Variants in PATJ observed in about 807,000 individuals in gnomAD.
The protein encoded by PATJ is inaD-like protein.
Under a neutral mutation model 224.9 loss-of-function variants are expected in PATJ, and 190 were observed. The observed-to-expected ratio is 0.84, with a 90% CI of 0.75 to 0.95. The LOEUF is 0.95. Among genes scored for constraint, PATJ ranks in the 40% least tolerant of loss-of-function variants. The pLI is 0.00. For synonymous variants in PATJ, 769 were observed against 820.3 expected (o/e 0.94, Z 1.07); for missense variants, 2,121 against 2,270.3 (o/e 0.93, Z 1.34).
At chr1:62,002,733 A>AAGAGAGAGAG (rs1553238285) in intron 28 of PATJ, among the ~76,000 whole-genome samples, 15 of 130,706 alleles carry the variant, frequency 1.1e-4, no homozygotes, top group African/African-American at 4.4e-4. Context: ...AAAAAAAAAA[A>AAGAGAGAGAG]AGAGAGAGAG....
At chr1:61,871,515 A>ATATG (rs1191858353) in intron 20 of PATJ, among the ~76,000 whole-genome samples, 3 of 132,520 alleles carry the variant, frequency 2.3e-5, no homozygotes, top group Non-Finnish European at 4.9e-5. Flanking sequence ...ATATACGCAT[A>ATATG]TATATAAATA....
At chr1:62,095,185 G>A (rs747683099) in intron 33 of PATJ, among the ~76,000 whole-genome samples, 1 of 152,216 alleles carries the variant, frequency 6.6e-6, no homozygotes, top group Non-Finnish European at 1.5e-5. Flanking sequence ...ATGTACACTT[G>A]AGTGTTAGAT....
chr1:61,865,802 A>C (rs568228144), intron 20 of PATJ, among the ~76,000 whole-genome samples: 15 of 152,186 alleles, frequency 9.9e-5, no homozygotes, highest in African/African-American at 3.4e-4. Flanking sequence ...TGAGGTTGGC[A>C]CCTTTCCTGT....
chr1:61,854,850 A>G (rs976973222), intron 17 of PATJ, among the ~76,000 whole-genome samples: 2 of 152,220 alleles, frequency 1.3e-5, no homozygotes, highest in East Asian at 1.9e-4. Context: ...TTGAATGTCA[A>G]TGTTGTCCTC....
At chr1:61,890,217 G>A (rs1435579553) in intron 22 of PATJ, among the ~76,000 whole-genome samples, 5 of 152,158 alleles carry the variant, frequency 3.3e-5, no homozygotes, top group South Asian at 2.1e-4. Context: ...GGTGGCTCAC[G>A]CCTGTAATCC....
At chr1:61,992,368 T>G (rs1645118981) in intron 28 of PATJ, among the ~76,000 whole-genome samples, 1 of 152,170 alleles carries the variant, frequency 6.6e-6, no homozygotes. Flanking sequence ...TCCACCCGCC[T>G]CAGCCTCCTA....
chr1:61,945,533 C>T (rs996378836), intron 27 of PATJ, among the ~76,000 whole-genome samples: 9 of 152,102 alleles, frequency 5.9e-5, no homozygotes, highest in Admixed American at 2.6e-4. Context: ...AGCTAACTAT[C>T]GTAAATATAT....
chr1:62,083,025 C>G (rs1282304186), intron 32 of PATJ, among the ~76,000 whole-genome samples: 1 of 152,172 alleles, frequency 6.6e-6, no homozygotes, highest in Non-Finnish European at 1.5e-5. Flanking sequence ...ATGACATTCT[C>G]TGGAGACTAT....
intron 30 of PATJ, among the ~76,000 whole-genome samples, chr1:62,043,450 T>C (rs61777665): frequency 0.36 from 54,629 of 151,916 alleles, 10,449 homozygotes; most frequent in Middle Eastern, 0.49. Context: ...TAAAATGGGT[T>C]TGATAATAAT....
intron 41 of PATJ, among the ~76,000 whole-genome samples, chr1:62,146,030 C>A (rs1668009180): frequency 6.6e-6 from 1 of 151,988 alleles, no homozygotes; most frequent in African/African-American, 2.4e-5. Context: ...GGAAGGGGAA[C>A]ATGAAACATG....
In PATJ at chr1:62,048,565, A is replaced by AAAAAAG. The variant is rs1558092535; in HGVS notation, c.4033-2391_4033-2386dup. Among the ~76,000 whole-genome samples the AAAAAAG allele has an allele frequency of 3.3e-4, 49 of 150,012 alleles. 1 individual carries two copies. The highest frequency in any genetic ancestry group is 4.0e-4 in the Admixed American group (6 of 14,988). On this transcript the variant is annotated intron_variant, in intron 30 of 43. Coordinates refer to ENST00000642238, the MANE Select transcript of PATJ (RefSeq NM_001350145.3). ...TGTCTCAAAAAAAAAAAAAAAAAAA[A>AAAAAAG]AAAAAGAAAAAGAAAGAAAAGAAAA... is the stretch of plus-strand genomic sequence containing the variant.
chr1:61,828,400 A>G (rs1429861918), intron 16 of PATJ, among the ~76,000 whole-genome samples: 2 of 96,430 alleles, frequency 2.1e-5, no homozygotes, highest in African/African-American at 6.4e-5. Context: ...CTATGAAAAG[A>G]GTTTTTTTTT....
At chr1:61,923,079 A>T (rs1004621485) in intron 26 of PATJ, among the ~76,000 whole-genome samples, 2 of 152,272 alleles carry the variant, frequency 1.3e-5, no homozygotes, top group South Asian at 2.1e-4. Context: ...GGATATTTGC[A>T]TTCAGTAAAA....
At chr1:62,048,655 T>C (rs1003904008) in intron 30 of PATJ, among the ~76,000 whole-genome samples, 1 of 151,994 alleles carries the variant, frequency 6.6e-6, no homozygotes, top group Non-Finnish European at 1.5e-5. Flanking sequence ...CAAATGGATA[T>C]TTTACATATT....
intron 41 of PATJ, among the ~76,000 whole-genome samples, chr1:62,139,362 G>A (rs973140882): frequency 7.4e-6 from 1 of 135,374 alleles, no homozygotes; most frequent in Admixed American, 8.5e-5. Flanking sequence ...ATTGCGCCAC[G>A]GCACTCCAGC....
At chr1:61,837,943 C>T (rs774501637) in intron 17 of PATJ, among the ~76,000 whole-genome samples, 6 of 151,968 alleles carry the variant, frequency 3.9e-5, no homozygotes, top group Non-Finnish European at 8.8e-5. Context: ...TGCCTTTATA[C>T]GTGAAATGAT....
At chr1:61,812,429 A>AGT (rs1355150780) in intron 14 of PATJ, among the ~76,000 whole-genome samples, 52 of 111,462 alleles carry the variant, frequency 4.7e-4, no homozygotes, top group East Asian at 1.6e-3. Context: ...AGAGAGAGAG[A>AGT]GAGAGTGTGT....
chr1:62,030,466 A>G (rs943034542), intron 29 of PATJ, among the ~76,000 whole-genome samples: 1 of 152,140 alleles, frequency 6.6e-6, no homozygotes, highest in African/African-American at 2.4e-5. Flanking sequence ...CTTTGCTTAT[A>G]TTCATTTCCA....
At chr1:61,747,691 C>T (rs1645093592) in intron 1 of PATJ, among the ~76,000 whole-genome samples, 1 of 152,082 alleles carries the variant, frequency 6.6e-6, no homozygotes, top group African/African-American at 2.4e-5. Context: ...ATGAGCTGAA[C>T]TGATGAAGTC....
Sources: allele counts gnomAD v4.1 joint callset (sites outside exome capture counted in the v4.1 genomes callset), GRCh38; gene constraint gnomAD v4.1.1; transcripts MANE v1.5; gene names NCBI Gene and HGNC (gene_info 2026-07-23, HGNC 2026-07-21).